LATS2: variants seen among roughly 807,000 people sequenced by gnomAD.
LATS2 encodes the protein serine/threonine-protein kinase LATS2.
LATS2 carries 24 observed loss-of-function variants against 76.0 expected under a neutral mutation model. The observed-to-expected ratio is 0.32, with a 90% CI of 0.23 to 0.44. The LOEUF is 0.44. Ranked by LOEUF, LATS2 falls within the 20% of genes least tolerant of loss-of-function variation. LATS2 has a pLI of 1.00. For synonymous variants in LATS2, 692 were observed against 635.4 expected, an observed-to-expected ratio of 1.09 and a Z score of -1.34; for missense variants, 1,286 against 1,481.2, an observed-to-expected ratio of 0.87 and a Z score of 2.16.
Position 21,012,825 on chromosome 13 carries a change from C to T in LATS2, c.343-21421G>A, listed in dbSNP as rs368736874. ...CCTAGGAAATAAGGGTTCCTAACCACATTTCAAAGATGAACAAACTGAGGC... is the reference window on the plus strand; with the variant it reads ...CCTAGGAAATAAGGGTTCCTAACCATATTTCAAAGATGAACAAACTGAGGC... On this transcript the variant is annotated intron_variant, in intron 2 of 7. Coordinates refer to ENST00000382592, the MANE Select transcript of LATS2 (RefSeq NM_014572.3). Among the ~76,000 whole-genome samples, 142 of 152,022 alleles carry T rather than the reference C, an allele frequency of 9.3e-4. 1 individual carries two copies. Among genetic ancestry groups the T allele is most frequent in the Non-Finnish European group, 1.8e-3 (122 of 67,990 alleles).
chr13:21,060,787 T>C (rs1000177092), intron 1 of LATS2, among the ~76,000 whole-genome samples: 11 of 150,808 alleles, frequency 7.3e-5, no homozygotes, highest in Non-Finnish European at 1.5e-4. Flanking sequence ...GAAGGACTGA[T>C]TGGCCCGTGG....
chr13:21,046,138 T>C lies in LATS2; in HGVS notation c.-112A>G, dbSNP rs1873069126. ...TGTTGTAAACATACTTTCAAAATAATTTCCTTTTGAAAATGTTCTTTCCTT... is the reference window on the plus strand; with the variant it reads ...TGTTGTAAACATACTTTCAAAATAACTTCCTTTTGAAAATGTTCTTTCCTT... On this transcript the variant is annotated 5_prime_UTR_variant, in exon 2 of 8. Transcript: ENST00000382592. 18 of 800,770 alleles carry C rather than the reference T, an allele frequency of 2.2e-5. No homozygotes were observed. The South Asian group carries it at 3.7e-4, about 16-fold the overall frequency. 49.6% of individuals were successfully genotyped at this position (800,770 alleles called of 1,614,324 possible). A position where few individuals can be genotyped will look rare whatever the true frequency, so the allele number is the denominator to read the frequency against.
intron 6 of LATS2, 99 bp from the exon 7 acceptor site, chr13:20,979,896 G>A (rs1024976670): frequency 1.5e-6 from 1 of 676,180 alleles, no homozygotes; most frequent in African/African-American, 1.8e-5. Flanking sequence ...TGTTAAGTGG[G>A]AAAGCGCGTT....
At chr13:21,047,136 G>A (rs1386071444) in intron 1 of LATS2, among the ~76,000 whole-genome samples, 3 of 152,088 alleles carry the variant, frequency 2.0e-5, no homozygotes, top group Non-Finnish European at 4.4e-5. Context: ...CCTCGTTCAC[G>A]GCCTACTCTG....
intron 4 of LATS2, 151 bp downstream of exon 4, chr13:20,987,730 A>T: frequency 1.2e-6 from 1 of 834,112 alleles, no homozygotes. Flanking sequence ...CAACTTCTCC[A>T]AGTTGTTGGC....
At chr13:20,986,527 C>T (rs978675031) in intron 4 of LATS2, among the ~76,000 whole-genome samples, 12 of 152,104 alleles carry the variant, frequency 7.9e-5, no homozygotes, top group African/African-American at 2.9e-4. Flanking sequence ...AACAGAAGTT[C>T]GGTTAGAACA....
chr13:21,040,543 C>T (rs1389093382), intron 2 of LATS2, among the ~76,000 whole-genome samples: 2 of 152,132 alleles, frequency 1.3e-5, no homozygotes, highest in African/African-American at 4.8e-5. Context: ...GGTGATACTT[C>T]CAACCAACGA....
intron 3 of LATS2, among the ~76,000 whole-genome samples, chr13:20,990,788 G>C (rs1395765179): frequency 6.6e-6 from 1 of 152,104 alleles, no homozygotes; most frequent in Non-Finnish European, 1.5e-5. Context: ...CCATCACAGG[G>C]GATGCTGAGG....
At chr13:21,059,598 A>AAACAAC (rs545362575) in intron 1 of LATS2, among the ~76,000 whole-genome samples, 1 of 151,322 alleles carries the variant, frequency 6.6e-6, no homozygotes, top group African/African-American at 2.4e-5. Flanking sequence ...ACGTCTCAAA[A>AAACAAC]AACAACAACA....
intron 1 of LATS2, among the ~76,000 whole-genome samples, chr13:21,058,913 TTAC>T (rs756898869): frequency 6.6e-6 from 1 of 152,084 alleles, no homozygotes; most frequent in Non-Finnish European, 1.5e-5. Context: ...ATTTTTTCTG[TTAC>T]TACCTTATTA....
At chr13:21,000,461 G>T (rs1370385445) in intron 2 of LATS2, among the ~76,000 whole-genome samples, 1 of 152,022 alleles carries the variant, frequency 6.6e-6, no homozygotes, top group African/African-American at 2.4e-5. Flanking sequence ...ATATTCAGGG[G>T]TGAATATTTA....
At chr13:21,031,854 T>TA (rs910382026) in intron 2 of LATS2, among the ~76,000 whole-genome samples, 4 of 151,912 alleles carry the variant, frequency 2.6e-5, no homozygotes, top group Admixed American at 1.3e-4. Context: ...AGACCTCGAC[T>TA]AAAAAAAAAT....
intron 2 of LATS2, among the ~76,000 whole-genome samples, chr13:20,992,440 G>A (rs1870547217): frequency 1.3e-5 from 2 of 152,328 alleles, no homozygotes; most frequent in South Asian, 4.2e-4. Flanking sequence ...GGGTACCGAA[G>A]AGATGCAGCC....
rs188449848 is a variant in LATS2, at chr13:21,051,535, T to C, written c.-204-5305A>G. On this transcript the variant is annotated intron_variant, in intron 1 of 7. Transcript: ENST00000382592. ...CTGATATGAAAGATGAGCCCAAGTT[T>C]CTGGTTTGAAAAATGGGGCCAGTGG... is the stretch of plus-strand genomic sequence containing the variant. Among the ~76,000 whole-genome samples, 1,145 of 152,300 alleles carry C rather than the reference T, an allele frequency of 7.5e-3. 11 individuals carry two copies. The highest frequency in any genetic ancestry group is 0.012 in the Non-Finnish European group (841 of 68,022).
intron 1 of LATS2, among the ~76,000 whole-genome samples, chr13:21,057,957 C>G (rs193025732): frequency 6.6e-6 from 1 of 152,320 alleles, no homozygotes; most frequent in Admixed American, 6.5e-5. Context: ...AAGCCCATTA[C>G]AGAGAGCAGC....
intron 1 of LATS2, among the ~76,000 whole-genome samples, chr13:21,060,140 G>A (rs890756296): frequency 6.6e-6 from 1 of 152,164 alleles, no homozygotes; most frequent in Non-Finnish European, 1.5e-5. Flanking sequence ...CTTCTTCAGG[G>A]TCCATTCCTC....
At chr13:21,018,239 CTG>C (rs1871888580) in intron 2 of LATS2, 1 of 152,166 alleles carries the variant, frequency 6.6e-6, no homozygotes, top group African/African-American at 2.4e-5. Flanking sequence ...TTAAAAAATA[CTG>C]TATGAAAATA....
At chr13:20,997,674 C>T (rs1183055116) in intron 2 of LATS2, among the ~76,000 whole-genome samples, 1 of 152,254 alleles carries the variant, frequency 6.6e-6, no homozygotes, top group Non-Finnish European at 1.5e-5. Context: ...ACACCCTCTG[C>T]TCTCTTGGCT....
In LATS2 at chr13:20,983,780, C is replaced by T. The variant is rs61746534; in HGVS notation, c.1926G>A (p.Glu642=). The T allele has an allele frequency of 5.2e-4, 840 of 1,612,792 alleles. 3 individuals carry two copies. In the African/African-American group the frequency reaches 8.6e-3, roughly 17 times the overall value. The stretch of plus-strand genomic sequence containing the variant: ...TCTGGTAGAGGATCTTCCGCATCTG[C>T]TCCTGCTCAGCTTCACAGAGTCCAG... The part of the protein sequence containing the change: ...AKAGLCEAEQ[E]QMRKILYQKE... The change falls in exon 5 of 8, where the codon GAG becomes GAA. Residue 642 remains glutamate, a synonymous_variant. Transcript: ENST00000382592.
Sources: allele counts gnomAD v4.1 joint callset (sites outside exome capture counted in the v4.1 genomes callset), GRCh38; gene constraint gnomAD v4.1.1; transcripts MANE v1.5; gene names NCBI Gene and HGNC (gene_info 2026-07-23, HGNC 2026-07-21).